PARD3B: variants seen among roughly 807,000 people sequenced by gnomAD.
PARD3B encodes the protein par-3 family cell polarity regulator beta.
PARD3B carries 103 observed loss-of-function variants against 130.2 expected under a neutral mutation model. The observed-to-expected ratio is 0.79, with a 90% CI of 0.67 to 0.93. The LOEUF (loss-of-function observed/expected upper bound fraction) is 0.93. Among genes scored for constraint, PARD3B ranks in the 40% least tolerant of loss-of-function variants. The pLI is 0.00. For synonymous variants in PARD3B, 583 were observed against 553.2 expected (o/e 1.05, Z -0.76); for missense variants, 1,609 against 1,499.2 (o/e 1.07, Z -1.21).
At chr2:205,020,661 C>T (rs1047973734) in intron 3 of PARD3B, among the ~76,000 whole-genome samples, 2 of 152,132 alleles carry the variant, frequency 1.3e-5, no homozygotes, top group Non-Finnish European at 2.9e-5. Context: ...TTGTTACCTA[C>T]AGGACCTTGT....
At chr2:204,647,019 G>T (rs1422908858) in intron 1 of PARD3B, among the ~76,000 whole-genome samples, 2 of 151,874 alleles carry the variant, frequency 1.3e-5, no homozygotes, top group African/African-American at 2.4e-5. Context: ...CCTGGGAAAA[G>T]ACAAAAATTC....
chr2:205,180,898 G>A (rs1040705498), intron 13 of PARD3B, among the ~76,000 whole-genome samples: 3 of 152,144 alleles, frequency 2.0e-5, no homozygotes, highest in Admixed American at 6.5e-5. Context: ...ATAAAATCCT[G>A]TTAAGCATTT....
Position 205,448,083 on chromosome 2 carries a change from C to T in PARD3B, c.3044+7411C>T, listed in dbSNP as rs554260499. Among the ~76,000 whole-genome samples, 8 of 152,306 alleles carry T rather than the reference C, an allele frequency of 5.3e-5. No individual in the cohort carries two copies. In the South Asian group the frequency reaches 1.7e-3, roughly 32 times the overall value. ...AGGATGTAGAAAACACAGCAAATGA[C>T]CTTGAGAAGTTTCTTGTATAATCAT... On this transcript the variant is annotated intron_variant, in intron 20 of 22. Transcript: ENST00000406610.
intron 2 of PARD3B, among the ~76,000 whole-genome samples, chr2:204,803,159 AAAAAATAT>A (rs1193384185): frequency 2.1e-4 from 25 of 121,180 alleles, no homozygotes; most frequent in African/African-American, 7.1e-4. Flanking sequence ...AAAAAAAAAA[AAAAAATAT>A]ATATATATAT....
chr2:204,988,212 C>G (rs1346081371), intron 3 of PARD3B, among the ~76,000 whole-genome samples: 1 of 152,176 alleles, frequency 6.6e-6, no homozygotes, highest in East Asian at 1.9e-4. Context: ...TAGTATAATT[C>G]TGACATTTTG....
At chr2:205,203,862 T>C (rs905730345) in intron 15 of PARD3B, among the ~76,000 whole-genome samples, 1 of 152,232 alleles carries the variant, frequency 6.6e-6, no homozygotes, top group Non-Finnish European at 1.5e-5. Context: ...TTGATGGGCA[T>C]TTGGATTGGT....
chr2:205,520,197 G>A (rs971629754), intron 21 of PARD3B, among the ~76,000 whole-genome samples: 2 of 152,192 alleles, frequency 1.3e-5, no homozygotes, highest in Non-Finnish European at 2.9e-5. Context: ...GAGAGATGCA[G>A]GTCAGTAATC....
intron 18 of PARD3B, among the ~76,000 whole-genome samples, chr2:205,323,241 C>T (rs943457551): frequency 1.3e-5 from 2 of 151,128 alleles, no homozygotes; most frequent in African/African-American, 4.9e-5. Context: ...TAAAATTAAA[C>T]AGGTAGATAG....
At chr2:204,587,412 A>C (rs141716502) in intron 1 of PARD3B, among the ~76,000 whole-genome samples, 93 of 152,310 alleles carry the variant, frequency 6.1e-4, no homozygotes, top group African/African-American at 2.1e-3. Flanking sequence ...CATTGTAGGC[A>C]ATGAATTGTC....
At chr2:205,031,141 A>G (rs2125360845) in intron 3 of PARD3B, among the ~76,000 whole-genome samples, 1 of 152,328 alleles carries the variant, frequency 6.6e-6, no homozygotes, top group East Asian at 1.9e-4. Flanking sequence ...TTAGCTGTGT[A>G]CGTGAAAGGA....
At chr2:204,549,696 T>C (rs142506658) in intron 1 of PARD3B, among the ~76,000 whole-genome samples, 19 of 152,278 alleles carry the variant, frequency 1.2e-4, no homozygotes, top group African/African-American at 4.1e-4. Context: ...TAAACTCTTT[T>C]GATGGCAGAT....
intron 5 of PARD3B, among the ~76,000 whole-genome samples, chr2:205,109,177 G>T (rs1703445877): frequency 6.6e-6 from 1 of 152,192 alleles, no homozygotes; most frequent in Non-Finnish European, 1.5e-5. Context: ...GTCTTTGATA[G>T]ATTTTTACTC....
chr2:205,391,171 C>T (rs115078544), intron 18 of PARD3B, among the ~76,000 whole-genome samples: 1 of 152,210 alleles, frequency 6.6e-6, no homozygotes, highest in African/African-American at 2.4e-5. Flanking sequence ...GGTTTGGTCT[C>T]AAAACACTCT....
At chr2:205,472,496 A>C (rs1309623606) in intron 20 of PARD3B, among the ~76,000 whole-genome samples, 1 of 152,234 alleles carries the variant, frequency 6.6e-6, no homozygotes, top group Non-Finnish European at 1.5e-5. Context: ...TATCATATAA[A>C]TATGCAATGA....
chr2:205,046,477 GAAGT>G (rs1698789649), intron 3 of PARD3B, among the ~76,000 whole-genome samples: 1 of 131,016 alleles, frequency 7.6e-6, no homozygotes, highest in Admixed American at 7.5e-5. Context: ...TATCATGAAA[GAAGT>G]TTTTTTTTTT....
chr2:205,124,895 G>T (rs1559463691), intron 9 of PARD3B, among the ~76,000 whole-genome samples: 1 of 152,208 alleles, frequency 6.6e-6, no homozygotes, highest in Non-Finnish European at 1.5e-5. Flanking sequence ...CCTATCATCT[G>T]TGCTAGGATA....
chr2:204,687,308 T>C (rs540496848), intron 2 of PARD3B, among the ~76,000 whole-genome samples: 1 of 152,272 alleles, frequency 6.6e-6, no homozygotes, highest in African/African-American at 2.4e-5. Context: ...TTAAAACCTG[T>C]TTTGCTTTAT....
chr2:204,869,862 TG>T (rs2045566942), intron 2 of PARD3B, among the ~76,000 whole-genome samples: 1 of 152,194 alleles, frequency 6.6e-6, no homozygotes, highest in Admixed American at 6.5e-5. Context: ...GTGTTTTTAA[TG>T]TTTTGTTTAT....
intron 3 of PARD3B, among the ~76,000 whole-genome samples, chr2:205,024,677 C>T (rs1237352946): frequency 6.6e-6 from 1 of 152,142 alleles, no homozygotes; most frequent in Non-Finnish European, 1.5e-5. Context: ...TGGGTAATTT[C>T]CTCATAGATC....
Sources: gnomAD v4.1 joint callset for allele counts (sites outside exome capture counted in the v4.1 genomes callset) on GRCh38, gnomAD v4.1.1 for gene constraint, MANE v1.5 for transcripts, NCBI Gene and HGNC (gene_info 2026-07-23, HGNC 2026-07-21) for gene names.